The following PCDHA2 variants were observed in gnomAD, a reference collection of about 807,000 sequenced individuals.
PCDHA2 encodes protocadherin alpha-2.
A neutral mutation model predicts 66.0 loss-of-function variants in PCDHA2; 58 were observed. That is an observed-to-expected ratio of 0.88 (90% CI 0.71 to 1.09). The LOEUF is 1.09. PCDHA2 is among the 50% of genes least tolerant of loss of function. PCDHA2 has a pLI of 0.00. For missense variants in PCDHA2, 1,267 were observed against 1,242.3 expected, an observed-to-expected ratio of 1.02 and a Z score of -0.30; for synonymous variants, 634 against 554.0, an observed-to-expected ratio of 1.14 and a Z score of -2.03.
At chr5:140,971,782 A>G (rs1458049076) in intron 1 of PCDHA2, among the ~76,000 whole-genome samples, 1 of 152,166 alleles carries the variant, frequency 6.6e-6, no homozygotes, top group Non-Finnish European at 1.5e-5. Context: ...ATTCAAGATT[A>G]TTCAATATAT....
intron 1 of PCDHA2, among the ~76,000 whole-genome samples, chr5:140,893,957 G>T (rs1308768731): frequency 1.3e-5 from 2 of 152,100 alleles, no homozygotes; most frequent in African/African-American, 4.8e-5. Context: ...GACTTTATTA[G>T]TCATTAGATA....
intron 1 of PCDHA2, among the ~76,000 whole-genome samples, chr5:140,902,501 A>G (rs1264806549): frequency 1.3e-5 from 2 of 152,020 alleles, no homozygotes; most frequent in Admixed American, 6.6e-5. Context: ...ACTAGCTGTG[A>G]GTCTGTCATA....
chr5:140,967,490 C>G (rs1554229615), intron 1 of PCDHA2: 2 of 1,613,210 alleles, frequency 1.2e-6, no homozygotes, highest in East Asian at 2.2e-5. Context: ...GGGTACGGCA[C>G]AGATCTCTGT....
intron 1 of PCDHA2, chr5:140,800,986 C>T (rs4151679): frequency 2.2e-6 from 3 of 1,364,326 alleles, no homozygotes; most frequent in Non-Finnish European, 2.8e-6. Context: ...ATATTTAATA[C>T]TTACACGTTT....
At chr5:140,835,995 C>G in intron 1 of PCDHA2, 7 of 1,613,324 alleles carry the variant, frequency 4.3e-6, no homozygotes, top group Non-Finnish European at 5.1e-6. Context: ...GGTGAGCGCG[C>G]GCGATGCGGG....
chr5:140,801,486 G>C (rs1392326756), intron 1 of PCDHA2: 2 of 1,614,004 alleles, frequency 1.2e-6, no homozygotes, highest in Non-Finnish European at 1.7e-6. Context: ...GGAACTGTGC[G>C]GGCGGAGCGC....
At chr5:140,966,998 C>A in intron 1 of PCDHA2, 1 of 1,604,774 alleles carries the variant, frequency 6.2e-7, no homozygotes, top group Non-Finnish European at 8.5e-7. Flanking sequence ...GGGTTGCTTG[C>A]GCATCAACCA....
intron 1 of PCDHA2, among the ~76,000 whole-genome samples, chr5:140,881,006 G>A (rs2058554707): frequency 6.6e-6 from 1 of 152,172 alleles, no homozygotes; most frequent in South Asian, 2.1e-4. Flanking sequence ...GGAGAGCAGA[G>A]CTATGGAAAT....
chr5:140,860,441 A>T (rs1038700248), intron 1 of PCDHA2: 3 of 152,166 alleles, frequency 2.0e-5, no homozygotes, highest in African/African-American at 4.8e-5. Context: ...GATCTTTTTC[A>T]TATTAATTCA....
chr5:140,887,238 C>A (rs1191260946), intron 1 of PCDHA2, among the ~76,000 whole-genome samples: 3 of 151,738 alleles, frequency 2.0e-5, no homozygotes, highest in African/African-American at 4.8e-5. Flanking sequence ...CTGAGACTAC[C>A]GGCGCCCGCC....
intron 1 of PCDHA2, chr5:140,803,172 T>C (rs782418479): frequency 3.0e-5 from 48 of 1,613,742 alleles, no homozygotes; most frequent in East Asian, 1.6e-4. Context: ...TGAACCCTCA[T>C]TGACCGCCAC....
intron 3 of PCDHA2, among the ~76,000 whole-genome samples, chr5:141,004,079 A>G (rs1192943756): frequency 1.3e-5 from 2 of 152,210 alleles, no homozygotes; most frequent in Non-Finnish European, 2.9e-5. Context: ...TTAGGGGTAG[A>G]AATGTGCTTC....
At chr5:140,871,729 G>T in intron 1 of PCDHA2, 2 of 714,516 alleles carry the variant, frequency 2.8e-6, no homozygotes, top group South Asian at 2.4e-5. Context: ...TTAATATTTG[G>T]TTAGCAAATC....
rs141394050 is a variant in PCDHA2 at position 140,948,629 on chromosome 5, T to C, written c.2389-30320T>C. 8.2e-3 allele frequency among the ~76,000 whole-genome samples: 1,244 copies of C among 151,828 alleles called. 11 individuals are homozygous for C. Among genetic ancestry groups the C allele is most frequent in the Non-Finnish European group, 0.013 (908 of 67,578 alleles). On this transcript the variant is annotated intron_variant, in intron 1 of 3. Transcript: ENST00000526136. ...TTTTGGCACAAAGTTGTTAATAATA[T>C]TCTCTCATCTTTTAACGTCTGTATA...
chr5:140,858,178 G>A (rs887914398), intron 1 of PCDHA2: 1 of 1,597,564 alleles, frequency 6.3e-7, no homozygotes, highest in East Asian at 2.2e-5. Flanking sequence ...GCTTGCTGGT[G>A]CTCACGCTGC....
At chr5:140,807,013 A>T in intron 1 of PCDHA2, 2 of 781,696 alleles carry the variant, frequency 2.6e-6, no homozygotes, top group South Asian at 1.8e-5. Flanking sequence ...ACCACAAAAT[A>T]CATGAGAGAA....
intron 1 of PCDHA2, chr5:140,966,755 C>G: frequency 2.8e-6 from 4 of 1,434,520 alleles, no homozygotes; most frequent in Non-Finnish European, 1.8e-6. Flanking sequence ...GCCTCCGCCG[C>G]GGCCAGTGGC....
Position 140,856,096 on chromosome 5 carries a change from G to C in PCDHA2, c.2388+58744G>C, listed in dbSNP as rs1031755500. The C allele has an allele frequency of 1.1e-5, 17 of 1,597,460 alleles. 1 individual carries two copies. The Admixed American group carries it at 2.5e-4, about 24-fold the overall frequency. On this transcript the variant is annotated intron_variant, in intron 1 of 3. Coordinates refer to ENST00000526136, the MANE Select transcript of PCDHA2 (RefSeq NM_018905.3). Reference sequence around the variant, plus strand: ...TGGGGGTCCAGTGTCTGCTGCTCTCGCTTCTTCTCCTCGCAGCCTGGGAGG... The same window carrying C: ...TGGGGGTCCAGTGTCTGCTGCTCTCCCTTCTTCTCCTCGCAGCCTGGGAGG...
intron 1 of PCDHA2, chr5:140,809,569 A>G: frequency 6.2e-7 from 1 of 1,605,782 alleles, no homozygotes; most frequent in Non-Finnish European, 8.5e-7. Flanking sequence ...AATCCTTTGC[A>G]AAGGTTAGTG....
Sources: allele counts gnomAD v4.1 joint callset (sites outside exome capture counted in the v4.1 genomes callset), GRCh38; gene constraint gnomAD v4.1.1; transcripts MANE v1.5; gene names NCBI Gene and HGNC (gene_info 2026-07-23, HGNC 2026-07-21).